The following SLC5A11 variants were observed in gnomAD, a reference collection of about 807,000 sequenced individuals.
SLC5A11 encodes the protein solute carrier family 5 member 11.
In SLC5A11, 48 loss-of-function variants were observed where a neutral mutation model predicts 69.8. The observed-to-expected ratio is 0.69, with a 90% CI of 0.55 to 0.87. The LOEUF is 0.87. Among genes scored for constraint, SLC5A11 ranks in the 40% least tolerant of loss-of-function variants. The probability of loss-of-function intolerance (pLI) is 0.00; values close to 1 mark genes in which losing one functional copy is unlikely to be tolerated. For missense variants in SLC5A11, 784 were observed against 866.1 expected (o/e 0.91, Z 1.19); for synonymous variants, 319 against 342.4 (o/e 0.93, Z 0.75).
intron 8 of SLC5A11, among the ~76,000 whole-genome samples, chr16:24,889,795 A>T (rs916161771): frequency 6.6e-5 from 10 of 151,706 alleles, no homozygotes; most frequent in Non-Finnish European, 1.3e-4. Context: ...CGATTCGCCC[A>T]CCTCGGCCTC....
At chr16:24,906,708 C>T in exon 11 of SLC5A11, 1 of 1,613,740 alleles carries the variant, frequency 6.2e-7, no homozygotes, top group Non-Finnish European at 8.5e-7. Context: ...TGCAGCAACC[C>T]CTCAGGCTGT....
intron 1 of SLC5A11, among the ~76,000 whole-genome samples, chr16:24,848,680 G>T (rs2152179468): frequency 6.6e-6 from 1 of 152,304 alleles, no homozygotes; most frequent in South Asian, 2.1e-4. Context: ...ACGGAGGTGG[G>T]AGGATCCCTT....
rs79114815 is a variant in SLC5A11, at chr16:24,860,192, C to T, written c.135+1414C>T. The stretch of plus-strand genomic sequence containing the variant: ...GTCCCAGCTACTTGGGAGGCTGAGG[C>T]AGGAGAATGGCATGAATCCGGGAGG... On this transcript the variant is annotated intron_variant, in intron 2 of 15. Coordinates refer to ENST00000347898, the Ensembl canonical transcript of SLC5A11. Among the ~76,000 whole-genome samples, 575 of 152,252 alleles carry T rather than the reference C, an allele frequency of 3.8e-3. 8 individuals carry two copies. The highest frequency in any genetic ancestry group is 0.013 in the African/African-American group (553 of 41,544).
chr16:24,877,060 G>A, intron 6 of SLC5A11, 198 bp from the exon 8 acceptor site: 1 of 1,414,488 alleles, frequency 7.1e-7, no homozygotes, highest in Non-Finnish European at 9.2e-7. Context: ...GGAGGCTGCT[G>A]CATCAGCCCA....
At chr16:24,885,200 C>T (rs1597167402) in intron 8 of SLC5A11, among the ~76,000 whole-genome samples, 1 of 152,158 alleles carries the variant, frequency 6.6e-6, no homozygotes, top group East Asian at 1.9e-4. Context: ...TCTGAGATCT[C>T]AGGCCAGTTG....
intron 13 of SLC5A11, among the ~76,000 whole-genome samples, chr16:24,908,595 CAA>C (rs764700253): frequency 8.5e-4 from 60 of 70,598 alleles, no homozygotes; most frequent in African/African-American, 3.1e-3. Context: ...GAGACTGTCT[CAA>C]AAAAAAAAAA....
rs773830637 is a variant in SLC5A11, at chr16:24,910,392, C to A, written c.1737C>A (p.Leu579=). The A allele has an allele frequency of 1.3e-5, 21 of 1,614,046 alleles. No individual in the cohort carries two copies. In the Admixed American group the frequency reaches 1.7e-4, roughly 13 times the overall value. The change falls in exon 15 of 16, where the codon CTC becomes CTA. Residue 579 remains leucine, a synonymous_variant. Coordinates refer to ENST00000347898, the Ensembl canonical transcript of SLC5A11. Reference sequence around the variant, plus strand: ...CAGCAGCTCCCTTGTCTCTTACCCTCTCTCAGAACGGGATGCCAGAGGCCA... The same window carrying A: ...CAGCAGCTCCCTTGTCTCTTACCCTATCTCAGAACGGGATGCCAGAGGCCA...
chr16:24,884,045 C>T lies in SLC5A11; in HGVS notation c.584-6C>T, dbSNP rs1443239284. The T allele has an allele frequency of 1.3e-6, 2 of 1,596,740 alleles. No homozygotes were observed. The highest frequency in any genetic ancestry group is 2.2e-5 in the South Asian group (2 of 89,694). On this transcript the variant is annotated splice_region_variant and splice_polypyrimidine_tract_variant and intron_variant, in intron 7 of 15. Coordinates refer to ENST00000347898, the Ensembl canonical transcript of SLC5A11. ...CTGACCCTCACCTCCGTGCTCATCCCACCAGGTGGCCTGGCTGCTGTGATC... is the reference window on the plus strand; with the variant it reads ...CTGACCCTCACCTCCGTGCTCATCCTACCAGGTGGCCTGGCTGCTGTGATC...
intron 7 of SLC5A11, among the ~76,000 whole-genome samples, chr16:24,881,278 T>G (rs561017378): frequency 6.6e-6 from 1 of 151,878 alleles, no homozygotes; most frequent in South Asian, 2.1e-4. Context: ...TTTGTTTGAT[T>G]GTTTGTTTGT....
intron 1 of SLC5A11, among the ~76,000 whole-genome samples, chr16:24,848,324 C>T (rs543466019): frequency 6.6e-6 from 1 of 151,968 alleles, no homozygotes; most frequent in African/African-American, 2.4e-5. Context: ...TAAAAGGAAG[C>T]AAGGCTGGGT....
chr16:24,849,470 G>A (rs2059166472), intron 1 of SLC5A11, among the ~76,000 whole-genome samples: 1 of 150,372 alleles, frequency 6.7e-6, no homozygotes. Context: ...GGGAGGCTGA[G>A]GCGGGAGAAT....
exon 14 of SLC5A11, chr16:24,908,969 A>G: frequency 1.2e-6 from 2 of 1,614,120 alleles, no homozygotes; most frequent in Non-Finnish European, 1.7e-6. Flanking sequence ...CGATGCGACC[A>G]GCCAGATGAG....
intron 2 of SLC5A11, chr16:24,861,990 G>A (rs1316254621): frequency 3.9e-5 from 6 of 152,090 alleles, no homozygotes; most frequent in Admixed American, 3.9e-4. Flanking sequence ...AAGACACAGA[G>A]GAGGTACTAT....
intron 5 of SLC5A11, among the ~76,000 whole-genome samples, chr16:24,873,904 G>A (rs2152311787): frequency 6.7e-6 from 1 of 148,336 alleles, no homozygotes; most frequent in South Asian, 2.1e-4. Flanking sequence ...TCAGCTCACT[G>A]CAACATCTGC....
intron 3 of SLC5A11, 34 bp from the exon 5 acceptor site, chr16:24,869,867 G>A (rs1456651564): frequency 6.7e-7 from 1 of 1,498,042 alleles, no homozygotes; most frequent in Non-Finnish European, 9.3e-7. Flanking sequence ...CCTTGACTTT[G>A]TCTCCAAGAT....
intron 3 of SLC5A11, among the ~76,000 whole-genome samples, chr16:24,862,958 T>TATGTATTATATAATATATAATC (rs1567587407): frequency 2.2e-5 from 3 of 138,292 alleles, no homozygotes; most frequent in African/African-American, 8.2e-5. Flanking sequence ...AACATATAAT[T>TATGTATTATATAATATATAATC]ATATATTATA....
chr16:24,893,949 G>A (rs758243819), intron 9 of SLC5A11, among the ~76,000 whole-genome samples: 4 of 152,044 alleles, frequency 2.6e-5, no homozygotes, highest in Non-Finnish European at 5.9e-5. Flanking sequence ...TTTCTATTTC[G>A]TTGACCTGTT....
chr16:24,859,853 TA>T (rs1395396504), intron 2 of SLC5A11, among the ~76,000 whole-genome samples: 1 of 152,172 alleles, frequency 6.6e-6, no homozygotes, highest in African/African-American at 2.4e-5. Context: ...AACTATACTA[TA>T]ATAAACAAAC....
chr16:24,888,417 T>A (rs1323123244), intron 8 of SLC5A11, among the ~76,000 whole-genome samples: 1 of 150,778 alleles, frequency 6.6e-6, no homozygotes, highest in Non-Finnish European at 1.5e-5. Flanking sequence ...AAGCCCAATT[T>A]AGTGATTTAG....
Sources: allele counts gnomAD v4.1 joint callset (sites outside exome capture counted in the v4.1 genomes callset), GRCh38; gene constraint gnomAD v4.1.1; transcripts MANE v1.5; gene names NCBI Gene and HGNC (gene_info 2026-07-23, HGNC 2026-07-21).